Variants in CSNK1A1 observed in about 807,000 individuals in gnomAD.
CSNK1A1 encodes casein kinase 1 alpha 1.
A neutral mutation model predicts 46.1 loss-of-function variants in CSNK1A1; 7 were observed. That is an observed-to-expected ratio of 0.15 (90% confidence interval 0.09 to 0.29). The LOEUF (loss-of-function observed/expected upper bound fraction) is 0.29, where lower values mean the gene tolerates loss of function less well. Ranked by LOEUF, CSNK1A1 falls within the 10% of genes least tolerant of loss-of-function variation. The probability of loss-of-function intolerance (pLI) is 1.00; values close to 1 mark genes in which losing one functional copy is unlikely to be tolerated. For synonymous variants in CSNK1A1, 137 were observed against 141.5 expected, an observed-to-expected ratio of 0.97 and a Z score of 0.23; for missense variants, 96 against 417.1, an observed-to-expected ratio of 0.23 and a Z score of 6.71.
intron 9 of CSNK1A1, chr5:149,502,240 A>C (rs553819393): frequency 3.2e-6 from 3 of 946,780 alleles, no homozygotes; most frequent in East Asian, 1.2e-4. Flanking sequence ...ATTTTCCTAC[A>C]TTAGAGATTT....
At chr5:149,530,659 A>G (rs1158383336) in intron 2 of CSNK1A1, among the ~76,000 whole-genome samples, 2 of 152,164 alleles carry the variant, frequency 1.3e-5, no homozygotes, top group Non-Finnish European at 2.9e-5. Context: ...TCTTTAGGAT[A>G]CTACTGCTAA....
intron 9 of CSNK1A1, chr5:149,499,247 A>G: frequency 1.0e-6 from 1 of 980,768 alleles, no homozygotes; most frequent in African/African-American, 1.8e-5. Context: ...TCAAGAACCC[A>G]TCTTCACTGT....
intron 9 of CSNK1A1, chr5:149,497,417 A>T: frequency 1.0e-6 from 1 of 985,926 alleles, no homozygotes; most frequent in Non-Finnish European, 1.2e-6. Flanking sequence ...CGCATTAGAA[A>T]GATTGTTTTG....
In CSNK1A1 at chr5:149,496,700, G is replaced by T; in HGVS notation, c.*153C>A. 1.0e-6 allele frequency: 1 copy of T among 984,000 alleles called. No homozygotes were observed. The highest frequency in any genetic ancestry group is 1.4e-6 in the Non-Finnish European group (1 of 692,868). The allele number at this position is 984,000 out of a possible 1,614,324, so 61.0% of individuals were successfully genotyped here. On this transcript the variant is annotated 3_prime_UTR_variant, in exon 10 of 10. Coordinates refer to ENST00000377843, the MANE Select transcript of CSNK1A1 (RefSeq NM_001892.6). ...TACAGCATCACCAATGCTGCCCAGA[G>T]TCAGTTTATACTGAAATTAAGTTCT...
At position 149,529,627 on chromosome 5, in the gene CSNK1A1, G is replaced by A. The variant is rs1010169658; in HGVS notation, c.231-4456C>T. ...ACCAGGCAGGGGCAAACCATTTTGGGGCATGGGCTGTCATAAAGGGAAGAG... is the reference window on the plus strand; with the variant it reads ...ACCAGGCAGGGGCAAACCATTTTGGAGCATGGGCTGTCATAAAGGGAAGAG... On this transcript the variant is annotated intron_variant, in intron 2 of 9. Transcript: ENST00000377843. 7 of 452,146 alleles carry A rather than the reference G, an allele frequency of 1.5e-5. No individual in the cohort carries two copies. In the Middle Eastern group the frequency reaches 1.6e-3, roughly 106 times the overall value. The allele number at this position is 452,146 out of a possible 1,614,324, so 28.0% of individuals were successfully genotyped here.
chr5:149,496,637 C>G lies in CSNK1A1; in HGVS notation c.*216G>C. The G allele has an allele frequency of 2.2e-6, 1 of 463,648 alleles. No individual in the cohort carries two copies. Among genetic ancestry groups the G allele is most frequent in the Non-Finnish European group, 3.6e-6 (1 of 275,636 alleles). The allele number at this position is 463,648 out of a possible 1,614,324, so 28.7% of individuals were successfully genotyped here. ...AACCGGACACCATGTTTCACTATCT[C>G]AGTTAATATTCACAATTACAGAGGC... On this transcript the variant is annotated 3_prime_UTR_variant, in exon 10 of 10. Coordinates refer to ENST00000377843, the MANE Select transcript of CSNK1A1 (RefSeq NM_001892.6).
intron 9 of CSNK1A1, chr5:149,503,299 TG>T: frequency 1.0e-6 from 1 of 985,422 alleles, no homozygotes; most frequent in Non-Finnish European, 1.2e-6. Flanking sequence ...TACATTTTCA[TG>T]GTTTATGAGA....
intron 2 of CSNK1A1, among the ~76,000 whole-genome samples, chr5:149,533,354 T>C (rs1377930724): frequency 6.6e-6 from 1 of 151,094 alleles, no homozygotes; most frequent in East Asian, 1.9e-4. Context: ...GGATCTGATC[T>C]TTTTTTTTAA....
chr5:149,546,748 GA>G (rs1316212026), intron 2 of CSNK1A1, among the ~76,000 whole-genome samples: 1 of 152,034 alleles, frequency 6.6e-6, no homozygotes, highest in Non-Finnish European at 1.5e-5. Flanking sequence ...TTAAATTAGT[GA>G]CAATACTTCT....
chr5:149,497,743 C>T, intron 9 of CSNK1A1: 3 of 985,436 alleles, frequency 3.0e-6, no homozygotes, highest in Non-Finnish European at 3.6e-6. Flanking sequence ...GAGCTAGAAA[C>T]TATAGCTCAT....
At chr5:149,541,230 G>C (rs943103052) in intron 2 of CSNK1A1, among the ~76,000 whole-genome samples, 1 of 147,988 alleles carries the variant, frequency 6.8e-6, no homozygotes, top group Non-Finnish European at 1.5e-5. Flanking sequence ...TCAGCTCACT[G>C]CAACCTCCGT....
At chr5:149,520,431 A>G (rs776779225) in intron 3 of CSNK1A1, 43 bp from the exon 4 acceptor site, 1 of 1,107,570 alleles carries the variant, frequency 9.0e-7, no homozygotes, top group South Asian at 1.3e-5. Context: ...TAAGTAGTAA[A>G]TGAAAATCAA....
chr5:149,542,610 A>T lies in CSNK1A1; in HGVS notation c.230+7465T>A, dbSNP rs185991259. Among the ~76,000 whole-genome samples, 8 of 10,836 alleles carry T rather than the reference A, an allele frequency of 7.4e-4. No individual in the cohort carries two copies. The East Asian group carries it at 0.014, about 20-fold the overall frequency. The allele number at this position is 10,836 out of a possible 152,430, so 7.1% of individuals were successfully genotyped here. ...TACAAATTTATATATATATATATATATATATATATATATATATATATATAT... is the reference window on the plus strand; with the variant it reads ...TACAAATTTATATATATATATATATTTATATATATATATATATATATATAT... On this transcript the variant is annotated intron_variant, in intron 2 of 9. Transcript: ENST00000377843.
chr5:149,521,969 C>T (rs951980881), intron 3 of CSNK1A1, among the ~76,000 whole-genome samples: 8 of 152,214 alleles, frequency 5.3e-5, no homozygotes, highest in East Asian at 1.9e-4. Context: ...ATTTTTCTTT[C>T]GGCCTATTGT....
At chr5:149,547,343 G>A (rs550451054) in intron 2 of CSNK1A1, among the ~76,000 whole-genome samples, 1 of 152,254 alleles carries the variant, frequency 6.6e-6, no homozygotes, top group South Asian at 2.1e-4. Context: ...TGCTTATTCA[G>A]TACATTACTC....
At chr5:149,529,215 T>C (rs1254092784) in intron 2 of CSNK1A1, among the ~76,000 whole-genome samples, 25 of 152,174 alleles carry the variant, frequency 1.6e-4, no homozygotes, top group Non-Finnish European at 1.0e-4. Context: ...AATCTATACC[T>C]TTAGACTTCA....
intron 3 of CSNK1A1, among the ~76,000 whole-genome samples, chr5:149,520,780 T>G (rs918268985): frequency 2.0e-5 from 3 of 152,228 alleles, no homozygotes; most frequent in African/African-American, 7.2e-5. Context: ...TGGCCTTGTA[T>G]TACCCAGACC....
chr5:149,540,711 T>C (rs1440623882), intron 2 of CSNK1A1, among the ~76,000 whole-genome samples: 2 of 151,934 alleles, frequency 1.3e-5, no homozygotes, highest in Admixed American at 6.6e-5. Context: ...GGATGAGCAA[T>C]GTGTGCATAC....
intron 2 of CSNK1A1, among the ~76,000 whole-genome samples, chr5:149,541,448 A>G (rs1456239672): frequency 6.6e-6 from 1 of 151,992 alleles, no homozygotes; most frequent in Non-Finnish European, 1.5e-5. Flanking sequence ...ATGAGCTACC[A>G]CACCCGGCCA....
Sources: gnomAD v4.1 joint callset for allele counts (sites outside exome capture counted in the v4.1 genomes callset) on GRCh38, gnomAD v4.1.1 for gene constraint, MANE v1.5 for transcripts, NCBI Gene and HGNC (gene_info 2026-07-23, HGNC 2026-07-21) for gene names.